Variants in DTHD1 observed in about 807,000 individuals in gnomAD.
DTHD1 encodes the protein death domain containing 1.
DTHD1 carries 59 observed loss-of-function variants against 74.8 expected under a neutral mutation model. The ratio of observed to expected loss-of-function variants is 0.79; its 90% confidence interval spans 0.64 to 0.98. The LOEUF is 0.98. Among genes scored for constraint, DTHD1 ranks in the 50% least tolerant of loss-of-function variants. The pLI, the probability that DTHD1 is intolerant of heterozygous loss-of-function variation, is 0.00. For synonymous variants in DTHD1, 365 were observed against 371.1 expected (o/e 0.98, Z 0.19); for missense variants, 1,051 against 1,065.4 (o/e 0.99, Z 0.19).
intron 8 of DTHD1, among the ~76,000 whole-genome samples, chr4:36,324,203 C>G (rs1758205104): frequency 6.6e-6 from 1 of 151,896 alleles, no homozygotes; most frequent in Non-Finnish European, 1.5e-5. Context: ...CTCTCCTCCC[C>G]TTATCTCTTC....
intron 2 of DTHD1, among the ~76,000 whole-genome samples, chr4:36,288,161 C>T (rs914569385): frequency 1.3e-5 from 2 of 152,082 alleles, no homozygotes; most frequent in Admixed American, 6.5e-5. Context: ...TGCAGTGGCA[C>T]GATCTCAGCT....
intron 2 of DTHD1, among the ~76,000 whole-genome samples, chr4:36,289,949 T>A (rs1578436666): frequency 1.3e-5 from 2 of 152,268 alleles, no homozygotes; most frequent in East Asian, 3.9e-4. Flanking sequence ...ATATGTTTAC[T>A]CCCTCTCCTC....
intron 8 of DTHD1, among the ~76,000 whole-genome samples, chr4:36,338,441 T>C (rs1269644971): frequency 1.3e-5 from 2 of 152,148 alleles, no homozygotes; most frequent in Middle Eastern, 3.4e-3. Flanking sequence ...CTTTGTGATG[T>C]AGGCATCCAT....
In DTHD1 at chr4:36,281,902, C is replaced by T. The variant is rs1041014888; in HGVS notation, c.144C>T (p.Val48=). The change falls in exon 1 of 10, where the codon GTC becomes GTT. Residue 48 remains valine, a synonymous_variant. Coordinates refer to ENST00000639862, the MANE Select transcript of DTHD1 (RefSeq NM_001170700.3). ...GGGCCACTTGGATGGCCACTGTGGTCTTTCTGGGTCAGGAACTCAGCAGTG... is the reference window on the plus strand; with the variant it reads ...GGGCCACTTGGATGGCCACTGTGGTTTTTCTGGGTCAGGAACTCAGCAGTG... ...AGGATWMATV[V]FLGQELSSAL... 1 of 1,294,334 alleles carries T rather than the reference C, an allele frequency of 7.7e-7. No individual in the cohort carries two copies. 80.2% of individuals were successfully genotyped at this position (1,294,334 alleles called of 1,614,324 possible). A position where few individuals can be genotyped will look rare whatever the true frequency, so the allele number is the denominator to read the frequency against.
chr4:36,316,186 C>T (rs1188231940), intron 7 of DTHD1, 56 bp from the exon 8 acceptor site: 15 of 1,508,886 alleles, frequency 9.9e-6, no homozygotes, highest in South Asian at 3.9e-5. Flanking sequence ...CCGCCTGCCT[C>T]GGCCTCCCAA....
intron 8 of DTHD1, among the ~76,000 whole-genome samples, chr4:36,328,785 C>G (rs10005854): frequency 0.011 from 1,716 of 152,342 alleles, 23 homozygotes; most frequent in African/African-American, 0.039. Flanking sequence ...AATTACTACA[C>G]TATATCAGCT....
At chr4:36,316,572 C>A in intron 8 of DTHD1, 86 bp downstream of exon 8, 1 of 1,321,124 alleles carries the variant, frequency 7.6e-7, no homozygotes, top group South Asian at 1.5e-5. Context: ...CATAGAGACA[C>A]ATACAGTTAA....
intron 8 of DTHD1, among the ~76,000 whole-genome samples, chr4:36,338,025 T>C (rs185636792): frequency 1.6e-3 from 238 of 152,358 alleles, no homozygotes; most frequent in South Asian, 9.9e-3. Context: ...TGTATATGTA[T>C]AGTTCTCTGG....
At chr4:36,300,304 T>C (rs528752350) in intron 5 of DTHD1, among the ~76,000 whole-genome samples, 8 of 152,228 alleles carry the variant, frequency 5.3e-5, no homozygotes, top group Non-Finnish European at 1.0e-4. Context: ...ATTAGCCTTC[T>C]TGAGAGTCTT....
intron 8 of DTHD1, among the ~76,000 whole-genome samples, chr4:36,336,422 A>G (rs1015054035): frequency 6.6e-6 from 1 of 152,206 alleles, no homozygotes; most frequent in African/African-American, 2.4e-5. Context: ...GGAATGGCCA[A>G]GCTAATGCCT....
Position 36,342,404 on chromosome 4 carries a change from A to G in DTHD1, c.2399-1098A>G, listed in dbSNP as rs149596719. The stretch of plus-strand genomic sequence containing the variant: ...GCTTGCTTAACACCAGACCAGGGAA[A>G]CTGGTGCAGGGGTGAGCATGAAAGT... On this transcript the variant is annotated intron_variant, in intron 9 of 9. Coordinates refer to ENST00000639862, the MANE Select transcript of DTHD1 (RefSeq NM_001170700.3). Among the ~76,000 whole-genome samples the G allele has an allele frequency of 9.4e-4, 143 of 152,224 alleles. 2 individuals are homozygous for G. Among genetic ancestry groups the G allele is most frequent in the Admixed American group, 5.5e-3 (84 of 15,280 alleles).
chr4:36,325,858 C>T (rs531064641), intron 8 of DTHD1, among the ~76,000 whole-genome samples: 5 of 152,292 alleles, frequency 3.3e-5, no homozygotes, highest in African/African-American at 1.2e-4. Context: ...CAACATTTTC[C>T]TTGGAGGCCT....
At chr4:36,303,166 G>C (rs1289450727) in intron 5 of DTHD1, among the ~76,000 whole-genome samples, 3 of 152,130 alleles carry the variant, frequency 2.0e-5, no homozygotes, top group Admixed American at 2.0e-4. Flanking sequence ...TCAGCATGTT[G>C]CCTTTTATGG....
chr4:36,283,016 A>AAAACG lies in DTHD1; in HGVS notation c.272-956_272-955insGAAAC, dbSNP rs574072744. 1.6e-4 allele frequency among the ~76,000 whole-genome samples: 24 copies of AAAACG among 152,364 alleles called. 1 individual carries two copies. In the South Asian group the frequency reaches 4.8e-3, roughly 30 times the overall value. On this transcript the variant is annotated intron_variant, in intron 1 of 9. Coordinates refer to ENST00000639862, the MANE Select transcript of DTHD1 (RefSeq NM_001170700.3). ...GTATAAGACAAAAACAAAACAAAAC[A>AAAACG]AAACACAAGTTGTCAGAACTGGATC...
At chr4:36,339,469 A>G (rs932813515) in intron 9 of DTHD1, among the ~76,000 whole-genome samples, 4 of 152,224 alleles carry the variant, frequency 2.6e-5, no homozygotes, top group African/African-American at 9.6e-5. Flanking sequence ...AGATGACTAT[A>G]CTTTGAGCTG....
In DTHD1 at chr4:36,294,969, G is replaced by A; in HGVS notation, c.1573G>A (p.Gly525Ser). 3.9e-6 allele frequency: 6 copies of A among 1,551,310 alleles called. No individual in the cohort carries two copies. The highest frequency in any genetic ancestry group is 5.2e-6 in the Non-Finnish European group (6 of 1,146,554). Reference protein sequence around the residue: ...CSPYLDKNNLGSEIDHKRRAS... With the variant: ...CSPYLDKNNLSSEIDHKRRAS... ...TCCATACCTTGATAAAAACAACCTT[G>A]GTTCTGAGATAGATCATAAAAGAAG... Residue 525 changes from glycine to serine, a missense_variant, in exon 5 of 10, where the codon GGT becomes AGT. By Grantham distance (56) the Gly-to-Ser change is moderately conservative. Transcript: ENST00000639862.
chr4:36,292,216 G>A (rs920360627), intron 3 of DTHD1, among the ~76,000 whole-genome samples: 1 of 152,088 alleles, frequency 6.6e-6, no homozygotes, highest in East Asian at 1.9e-4. Context: ...TGGCCAGTCT[G>A]TGTAACTATC....
In DTHD1 at chr4:36,290,640, C is replaced by CTTTCACCTTCA; in HGVS notation, c.1155_1156insTTTCACCTTCA (p.Ile386PhefsTer5). ...GAGATATCATGGTGAAAGTGTGTGA[C>CTTTCACCTTCA]ATAAACCTTCAATCAAGTTACCTAA... On this transcript the variant is annotated frameshift_variant, in exon 3 of 10. Transcript: ENST00000639862. LOFTEE classifies it high-confidence loss of function. The CTTTCACCTTCA allele has an allele frequency of 6.5e-7, 1 of 1,547,884 alleles. No individual in the cohort carries two copies.
At chr4:36,318,303 A>C (rs572512989) in intron 8 of DTHD1, among the ~76,000 whole-genome samples, 1 of 152,338 alleles carries the variant, frequency 6.6e-6, no homozygotes, top group Non-Finnish European at 1.5e-5. Flanking sequence ...ATCCAGGTAC[A>C]CCTTTGATGT....
Sources: allele counts gnomAD v4.1 joint callset (sites outside exome capture counted in the v4.1 genomes callset), GRCh38; gene constraint gnomAD v4.1.1; transcripts MANE v1.5; gene names NCBI Gene and HGNC (gene_info 2026-07-23, HGNC 2026-07-21).